CAST: variants seen among roughly 807,000 people sequenced by gnomAD.
The protein encoded by CAST is MIR583 host.
CAST carries 76 observed loss-of-function variants against 119.6 expected under a neutral mutation model. The observed-to-expected ratio is 0.64, with a 90% CI of 0.53 to 0.77. The LOEUF is 0.77. Ranked by LOEUF, CAST falls within the 30% of genes least tolerant of loss-of-function variation. CAST has a pLI of 0.00. For missense variants in CAST, 953 were observed against 946.5 expected, an observed-to-expected ratio of 1.01 and a Z score of -0.09; for synonymous variants, 319 against 331.6, an observed-to-expected ratio of 0.96 and a Z score of 0.41.
the CAST span, among the ~76,000 whole-genome samples, chr5:96,192,486 C>G: frequency 3.9e-5 from 6 of 152,318 alleles, no homozygotes; most frequent in South Asian, 1.2e-3. Flanking sequence ...GAACATAGAA[C>G]TGTCATATCC....
the CAST span, among the ~76,000 whole-genome samples, chr5:96,003,334 C>T: frequency 1.3e-5 from 2 of 151,918 alleles, no homozygotes; most frequent in East Asian, 1.9e-4. Context: ...GTCAGGAGAT[C>T]GAGACCATCC....
chr5:96,237,338 T>C, the CAST span, among the ~76,000 whole-genome samples: 1 of 152,170 alleles, frequency 6.6e-6, no homozygotes, highest in Non-Finnish European at 1.5e-5. Context: ...GAATTTTGCT[T>C]ATATAAGTCT....
chr5:96,581,063 G>T (rs964688188), intron 1 of CAST, among the ~76,000 whole-genome samples: 1 of 152,236 alleles, frequency 6.6e-6, no homozygotes, highest in African/African-American at 2.4e-5. Flanking sequence ...TGAGAAATAA[G>T]TTCATGTTGT....
upstream of CAST, among the ~76,000 whole-genome samples, chr5:96,525,786 G>A (rs926404333): frequency 7.9e-5 from 12 of 152,142 alleles, no homozygotes; most frequent in African/African-American, 2.7e-4. Context: ...GCTTTGCTGC[G>A]CTGTGCTGCA....
At chr5:96,702,819 G>A in intron 3 of CAST, 1 of 985,454 alleles carries the variant, frequency 1.0e-6, no homozygotes, top group East Asian at 1.1e-4. Flanking sequence ...GAGCTGGGCT[G>A]GAGCTCCAAG....
At chr5:96,102,902 A>G in the CAST span, among the ~76,000 whole-genome samples, 1 of 152,156 alleles carries the variant, frequency 6.6e-6, no homozygotes, top group Non-Finnish European at 1.5e-5. Flanking sequence ...AGGCTTAATG[A>G]GAGGCTGCTC....
At chr5:96,759,359 C>T (rs1350188718) in intron 24 of CAST, among the ~76,000 whole-genome samples, 1 of 151,982 alleles carries the variant, frequency 6.6e-6, no homozygotes, top group African/African-American at 2.4e-5. Flanking sequence ...AAACTATTCC[C>T]CTAATAATAC....
chr5:96,724,718 G>A (rs1251857264), intron 4 of CAST, among the ~76,000 whole-genome samples: 2 of 151,990 alleles, frequency 1.3e-5, no homozygotes, highest in Admixed American at 1.3e-4. Context: ...AGCTACTCGG[G>A]AGGCTGAGGC....
At chr5:96,520,280 A>G (rs1305144873), upstream of CAST, among the ~76,000 whole-genome samples, 2 of 152,082 alleles carry the variant, frequency 1.3e-5, no homozygotes, top group Non-Finnish European at 2.9e-5. Context: ...TTTACTTTCT[A>G]TTTGCTTCTG....
the CAST span, among the ~76,000 whole-genome samples, chr5:96,047,876 A>G: frequency 2.0e-5 from 3 of 152,196 alleles, no homozygotes; most frequent in Admixed American, 6.5e-5. Context: ...CATGATGATT[A>G]AAGTCTGATT....
At chr5:96,213,498 T>C in the CAST span, 2 of 152,126 alleles carry the variant, frequency 1.3e-5, no homozygotes, top group Non-Finnish European at 2.9e-5. Flanking sequence ...ATTAAAAACA[T>C]TGGACTGAGC....
At chr5:96,575,698 A>T (rs2085452) in intron 1 of CAST, among the ~76,000 whole-genome samples, 8,110 of 151,484 alleles carry the variant, frequency 0.054, 238 homozygotes, top group Non-Finnish European at 0.07. Flanking sequence ...GCTGGAGTGC[A>T]GTGGCACAAT....
chr5:96,368,519 A>C, the CAST span, among the ~76,000 whole-genome samples: 1 of 151,846 alleles, frequency 6.6e-6, no homozygotes, highest in Non-Finnish European at 1.5e-5. Context: ...AAAAAAACAA[A>C]AAAACCTATA....
At chr5:96,501,188 T>C in the CAST span, among the ~76,000 whole-genome samples, 1 of 152,182 alleles carries the variant, frequency 6.6e-6, no homozygotes, top group East Asian at 1.9e-4. Context: ...AAGAGGTTAC[T>C]GAATGAAAAG....
At chr5:96,170,830 A>G in the CAST span, among the ~76,000 whole-genome samples, 2 of 152,204 alleles carry the variant, frequency 1.3e-5, no homozygotes, top group African/African-American at 4.8e-5. Context: ...ATTGCTGGGC[A>G]GGTGGGAGAG....
At chr5:96,175,437 T>A in the CAST span, among the ~76,000 whole-genome samples, 1 of 152,148 alleles carries the variant, frequency 6.6e-6, no homozygotes, top group East Asian at 1.9e-4. Context: ...TATAAAGAAC[T>A]AAATAAGACA....
chr5:96,368,048 C>T, the CAST span, among the ~76,000 whole-genome samples: 4 of 152,090 alleles, frequency 2.6e-5, no homozygotes, highest in Non-Finnish European at 4.4e-5. Flanking sequence ...AAGTATCCAA[C>T]ATTTTCATAG....
At chr5:96,486,911 A>G in the CAST span, among the ~76,000 whole-genome samples, 2 of 151,986 alleles carry the variant, frequency 1.3e-5, no homozygotes, top group East Asian at 3.9e-4. Flanking sequence ...ACAAGGCCAA[A>G]TAATCTAAGA....
the CAST span, among the ~76,000 whole-genome samples, chr5:96,206,273 A>C: frequency 3.3e-5 from 5 of 152,106 alleles, no homozygotes; most frequent in African/African-American, 1.2e-4. Context: ...CTCTGTTGAT[A>C]GTGTCTTTTG....
Sources: gnomAD v4.1 joint callset for allele counts (sites outside exome capture counted in the v4.1 genomes callset) on GRCh38, gnomAD v4.1.1 for gene constraint, MANE v1.5 for transcripts, NCBI Gene and HGNC (gene_info 2026-07-23, HGNC 2026-07-21) for gene names.